KRTAP4-8: variants seen among roughly 807,000 people sequenced by gnomAD.
KRTAP4-8 encodes the protein keratin associated protein 4-8.
For missense variants in KRTAP4-8, 188 were observed against 237.4 expected, an observed-to-expected ratio of 0.79 and a Z score of 1.37; for synonymous variants, 66 against 86.6, an observed-to-expected ratio of 0.76 and a Z score of 1.32.
At position 41,097,847 on chromosome 17, in the gene KRTAP4-8, A is replaced by T. The variant is rs764325886; in HGVS notation, c.238T>A (p.Cys80Ser). 1.9e-6 allele frequency: 3 copies of T among 1,559,220 alleles called. No individual in the cohort carries two copies. The African/African-American group carries it at 4.1e-5, about 21-fold the overall frequency. ...CVSSCCKPQC[C>S]QSVCCQPTCC... ...GTGGGCTGGCAGCACACAGACTGGC[A>T]GCACTGGGGCTTGCAGCAGCTGGAC... The change falls in exon 1 of 1, where the codon TGC becomes AGC. Residue 80 changes from cysteine to serine, a missense_variant. By Grantham distance (112) the Cys-to-Ser change is moderately radical. Coordinates refer to ENST00000333822, the MANE Select transcript of KRTAP4-8 (RefSeq NM_031960.3).
Position 41,098,043 on chromosome 17 carries a change from G to A in KRTAP4-8, c.42C>T (p.Gly14=), listed in dbSNP as rs2013901499. The A allele has an allele frequency of 1.2e-6, 2 of 1,612,208 alleles. No homozygotes were observed. Among genetic ancestry groups the A allele is most frequent in the Non-Finnish European group, 1.7e-6 (2 of 1,179,080 alleles). Reference sequence around the variant, plus strand: ...TCTCCTGGCAGAGGTCTTGGCCACAGCCTTGGTCAGAGCACACGGAGCCAC... The same window carrying A: ...TCTCCTGGCAGAGGTCTTGGCCACAACCTTGGTCAGAGCACACGGAGCCAC... ...SCCGSVCSDQ[G]CGQDLCQETC... is the part of the protein sequence containing the mutation. Residue 14 remains glycine, a synonymous_variant, in exon 1 of 1, where the codon GGC becomes GGT. Transcript: ENST00000333822.
rs80168553 is a variant in KRTAP4-8, at chr17:41,097,708, C to A, written c.377G>T (p.Arg126Leu). 4.1e-5 allele frequency: 29 copies of A among 708,280 alleles called. 3 individuals are homozygous for A. Among genetic ancestry groups the A allele is most frequent in the Middle Eastern group, 4.1e-4 (1 of 2,436 alleles). 43.9% of individuals were successfully genotyped at this position (708,280 alleles called of 1,614,324 possible). Residue 126 changes from arginine to leucine, a missense_variant, in exon 1 of 1, where the codon CGC becomes CTC. Transcript: ENST00000333822. ...QSVCCQPNCC[R>L]PSCSISSCCR... is the part of the protein sequence containing the mutation. ...GCAGCTGGAGATGCTGCAGCTGGGGCGGCAGCAGTTGGGCTGGCAGCACAC... is the reference window on the plus strand; with the variant it reads ...GCAGCTGGAGATGCTGCAGCTGGGGAGGCAGCAGTTGGGCTGGCAGCACAC...
In KRTAP4-8 at chr17:41,097,605, G is replaced by A; in HGVS notation, c.480C>T (p.Cys160=). 6.4e-7 allele frequency: 1 copy of A among 1,572,574 alleles called. No homozygotes were observed. The highest frequency in any genetic ancestry group is 1.7e-4 in the Middle Eastern group (1 of 5,918). Residue 160 remains cysteine (C), a synonymous_variant, in exon 1 of 1, where the codon TGC becomes TGT. Coordinates refer to ENST00000333822, the MANE Select transcript of KRTAP4-8 (RefSeq NM_031960.3). ...AGGCTGGGCGATAGCAAGTGGTGTG[G>A]CAGGAGACTCGGCCACAGACTGGAC... ...CLRPVCGRVS[C]HTTCYRPACV...
In KRTAP4-8 at chr17:41,097,567, G is replaced by A. The variant is rs201814486; in HGVS notation, c.518C>T (p.Thr173Ile). ...TCYRPACVIS[T>I]CPRPVCCASS... ...GGCGCAGCACACGGGGCGGGGGCAGGTGGAGATGACACAGGCTGGGCGATA... is the reference window on the plus strand; with the variant it reads ...GGCGCAGCACACGGGGCGGGGGCAGATGGAGATGACACAGGCTGGGCGATA... Residue 173 changes from threonine (T) to isoleucine (I), a missense_variant, in exon 1 of 1, where the codon ACC becomes ATC. Transcript: ENST00000333822. The A allele has an allele frequency of 2.6e-6, 4 of 1,558,170 alleles. No homozygotes were observed. The highest frequency in any genetic ancestry group is 3.5e-6 in the Non-Finnish European group (4 of 1,154,152).
At position 41,097,703 on chromosome 17, in the gene KRTAP4-8, TGG is replaced by T; in HGVS notation, c.380_381del (p.Pro127GlnfsTer14). On this transcript the variant is annotated frameshift_variant, in exon 1 of 1. Transcript: ENST00000333822. LOFTEE classifies it high-confidence loss of function. ...SVCCQPNCCR[P>X]SCSISSCCRP... ...CGGCAGCAGCTGGAGATGCTGCAGCTGGGGCGGCAGCAGTTGGGCTGGCAGCA... is the reference window on the plus strand; with the variant it reads ...CGGCAGCAGCTGGAGATGCTGCAGCTGGCGGCAGCAGTTGGGCTGGCAGCA... 6.7e-7 allele frequency: 1 copy of T among 1,502,898 alleles called. No homozygotes were observed. Among genetic ancestry groups the T allele is most frequent in the Non-Finnish European group, 9.1e-7 (1 of 1,097,566 alleles). The allele number at this position is 1,502,898 out of a possible 1,614,324, so 93.1% of individuals were successfully genotyped here.
chr17:41,098,116 T>C lies in KRTAP4-8; in HGVS notation c.-32A>G, dbSNP rs1381729076. On this transcript the variant is annotated 5_prime_UTR_variant, in exon 1 of 1. Transcript: ENST00000333822. ...AGAGGGTGAAGGATCTATTTGGGTT[T>C]CCAAGAGAGTAAAGTTCTTGAGTTT... The C allele has an allele frequency of 2.6e-6, 4 of 1,563,136 alleles. No individual in the cohort carries two copies. The highest frequency in any genetic ancestry group is 3.5e-6 in the Non-Finnish European group (4 of 1,152,834).
In KRTAP4-8 at chr17:41,097,556, G is replaced by C. The variant is rs752506890; in HGVS notation, c.529C>G (p.Pro177Ala). ...PACVISTCPR[P>A]VCCASSCC ...CAGCAAGAGGAGGCGCAGCACACGG[G>C]GCGGGGGCAGGTGGAGATGACACAG... Residue 177 changes from proline to alanine, a missense_variant, in exon 1 of 1, where the codon CCC becomes GCC. By Grantham distance (27) the Pro-to-Ala change is conservative. Transcript: ENST00000333822. 1.5e-5 allele frequency: 23 copies of C among 1,568,564 alleles called. No homozygotes were observed. Among genetic ancestry groups the C allele is most frequent in the Non-Finnish European group, 1.9e-5 (22 of 1,156,582 alleles).
At position 41,098,117 on chromosome 17, in the gene KRTAP4-8, C is replaced by T. The variant is rs747092884; in HGVS notation, c.-33G>A. ...GAGGGTGAAGGATCTATTTGGGTTT[C>T]CAAGAGAGTAAAGTTCTTGAGTTTG... On this transcript the variant is annotated 5_prime_UTR_variant, in exon 1 of 1. Transcript: ENST00000333822. 7 of 1,563,040 alleles carry T rather than the reference C, an allele frequency of 4.5e-6. No homozygotes were observed. In the Admixed American group the frequency reaches 1.3e-4, roughly 28 times the overall value.
Position 41,098,080 on chromosome 17 carries a change from A to C in KRTAP4-8, c.5T>G (p.Val2Gly). The change falls in exon 1 of 1, where the codon GTC becomes GGC. Residue 2 changes from valine (V) to glycine (G), a missense_variant. Coordinates refer to ENST00000333822, the MANE Select transcript of KRTAP4-8 (RefSeq NM_031960.3). ...GCACACGGAGCCACAACAGGAGTTG[A>C]CCATGGTGTCAGAGGGTGAAGGATC... M[V>G]NSCCGSVCSD... The C allele has an allele frequency of 6.5e-7, 1 of 1,539,444 alleles. No homozygotes were observed. The highest frequency in any genetic ancestry group is 8.7e-7 in the Non-Finnish European group (1 of 1,144,938).
Position 41,097,969 on chromosome 17 carries a change from C to A in KRTAP4-8, c.116G>T (p.Cys39Phe). ...GGACACACTGTAGCTGGGGCGGTAG[C>A]AGGTGGTCCTGCAGCAGGTGGTCTG... ...CCQTTCCRTTCYRPSYSVSCC... is the reference protein window; with the variant it reads ...CCQTTCCRTTFYRPSYSVSCC... Residue 39 changes from cysteine (C) to phenylalanine (F), a missense_variant, in exon 1 of 1, where the codon TGC (cysteine) becomes TTC (phenylalanine). By Grantham distance (205) the Cys-to-Phe change is radical (BLOSUM62 -2). Transcript: ENST00000333822. 6.2e-7 allele frequency: 1 copy of A among 1,613,898 alleles called. No individual in the cohort carries two copies. The highest frequency in any genetic ancestry group is 8.5e-7 in the Non-Finnish European group (1 of 1,179,886).
rs538107149 is a variant in KRTAP4-8, at chr17:41,097,559, G to A, written c.526C>T (p.Arg176Cys). The A allele has an allele frequency of 3.2e-6, 5 of 1,569,282 alleles. No individual in the cohort carries two copies. Among genetic ancestry groups the A allele is most frequent in the South Asian group, 2.3e-5 (2 of 86,182 alleles). ...RPACVISTCP[R>C]PVCCASSCC is the part of the protein sequence containing the mutation. ...CAAGAGGAGGCGCAGCACACGGGGC[G>A]GGGGCAGGTGGAGATGACACAGGCT... Residue 176 changes from arginine to cysteine, a missense_variant, in exon 1 of 1, where the codon CGC (arginine) becomes TGC (cysteine). Physicochemically the swap from Arg to Cys is radical, Grantham distance 180 (BLOSUM62 -3). Transcript: ENST00000333822.
rs367589220 is a variant in KRTAP4-8, at chr17:41,097,542, G to A, written c.543C>T (p.Ala181=). The part of the protein sequence containing the change: ...ISTCPRPVCC[A]SSCC ...GGCAGTGGGCTCAGCAGCAAGAGGA[G>A]GCGCAGCACACGGGGCGGGGGCAGG... is the stretch of plus-strand genomic sequence containing the variant. Residue 181 remains alanine (A), a synonymous_variant, in exon 1 of 1, where the codon GCC becomes GCT. Coordinates refer to ENST00000333822, the MANE Select transcript of KRTAP4-8 (RefSeq NM_031960.3). 8 of 1,566,422 alleles carry A rather than the reference G, an allele frequency of 5.1e-6. No individual in the cohort carries two copies. The highest frequency in any genetic ancestry group is 1.7e-4 in the Middle Eastern group (1 of 6,026).
Position 41,097,284 on chromosome 17 carries a change from G to A in KRTAP4-8, c.*243C>T. 1 of 633,042 alleles carries A rather than the reference G, an allele frequency of 1.6e-6. No homozygotes were observed. The highest frequency in any genetic ancestry group is 3.3e-5 in the Admixed American group (1 of 30,178). 39.2% of individuals were successfully genotyped at this position (633,042 alleles called of 1,614,324 possible). On this transcript the variant is annotated 3_prime_UTR_variant, in exon 1 of 1. Transcript: ENST00000333822. The stretch of plus-strand genomic sequence containing the variant: ...GGATTGGAATAATTTCTTAGCTAGT[G>A]GATTACAAATTAATTCGTATTTGGT...
Position 41,097,297 on chromosome 17 carries a change from A to G in KRTAP4-8, c.*230T>C. 1 of 663,624 alleles carries G rather than the reference A, an allele frequency of 1.5e-6. No homozygotes were observed. The highest frequency in any genetic ancestry group is 2.5e-6 in the Non-Finnish European group (1 of 396,752). The allele number at this position is 663,624 out of a possible 1,614,324, so 41.1% of individuals were successfully genotyped here. A position where few individuals can be genotyped will look rare whatever the true frequency, so the allele number is the denominator to read the frequency against. ...TTCTTAGCTAGTGGATTACAAATTA[A>G]TTCGTATTTGGTGCCATGACTGGAA... On this transcript the variant is annotated 3_prime_UTR_variant, in exon 1 of 1. Transcript: ENST00000333822.
rs1286053367 is a variant in KRTAP4-8, at chr17:41,097,100, C to T, written c.*427G>A. On this transcript the variant is annotated 3_prime_UTR_variant, in exon 1 of 1. Transcript: ENST00000333822. ...AGAGAAAGAGAGAGCAGGGAGAAAG[C>T]GGGAGAGCACGGGAGGGGCAGCCTC... The T allele has an allele frequency of 2.5e-5, 5 of 197,920 alleles. No individual in the cohort carries two copies. Among genetic ancestry groups the T allele is most frequent in the South Asian group, 1.3e-4 (1 of 7,972 alleles). 12.3% of individuals were successfully genotyped at this position (197,920 alleles called of 1,614,324 possible).
At position 41,097,453 on chromosome 17, in the gene KRTAP4-8, T is replaced by C. The variant is rs1213665883; in HGVS notation, c.*74A>G. The C allele has an allele frequency of 2.0e-6, 3 of 1,506,146 alleles. No homozygotes were observed. The highest frequency in any genetic ancestry group is 2.7e-6 in the Non-Finnish European group (3 of 1,122,570). 93.3% of individuals were successfully genotyped at this position (1,506,146 alleles called of 1,614,324 possible). On this transcript the variant is annotated 3_prime_UTR_variant, in exon 1 of 1. Transcript: ENST00000333822. The stretch of plus-strand genomic sequence containing the variant: ...GACATAAATCCCACTCCATGTGTCC[T>C]AATATTCAGCACAGAAGAATGGTCT...
At position 41,097,213 on chromosome 17, in the gene KRTAP4-8, G is replaced by A. The variant is rs1234205496; in HGVS notation, c.*314C>T. The A allele has an allele frequency of 6.1e-6, 3 of 494,774 alleles. No individual in the cohort carries two copies. The highest frequency in any genetic ancestry group is 1.1e-5 in the Non-Finnish European group (3 of 278,794). The allele number at this position is 494,774 out of a possible 1,614,324, so 30.6% of individuals were successfully genotyped here. ...AGATAATGTGTACCTAATTGGGAAG[G>A]ATATTCTGTAGGCTCAAAATGATTT... is the stretch of plus-strand genomic sequence containing the variant. On this transcript the variant is annotated 3_prime_UTR_variant, in exon 1 of 1. Transcript: ENST00000333822.
In KRTAP4-8 at chr17:41,098,086, G is replaced by T; in HGVS notation, c.-2C>A. The T allele has an allele frequency of 6.3e-7, 1 of 1,590,462 alleles. No individual in the cohort carries two copies. Among genetic ancestry groups the T allele is most frequent in the Non-Finnish European group, 8.6e-7 (1 of 1,167,228 alleles). On this transcript the variant is annotated 5_prime_UTR_variant, in exon 1 of 1. Coordinates refer to ENST00000333822, the MANE Select transcript of KRTAP4-8 (RefSeq NM_031960.3). ...GGAGCCACAACAGGAGTTGACCATG[G>T]TGTCAGAGGGTGAAGGATCTATTTG...
rs555098393 is a variant in KRTAP4-8, at chr17:41,097,644, G to C, written c.441C>G (p.Pro147=). The part of the protein sequence containing the change: ...PSCCESSCCR[P]CCCLRPVCGR... ...CACAGACTGGACGCAGGCAGCAGCA[G>C]GGGCGGCAGCAGCTGGATTCACAGC... The change falls in exon 1 of 1, where the codon CCC becomes CCG. Residue 147 remains proline (P), a synonymous_variant. Coordinates refer to ENST00000333822, the MANE Select transcript of KRTAP4-8 (RefSeq NM_031960.3). 1.9e-6 allele frequency: 3 copies of C among 1,584,916 alleles called. No individual in the cohort carries two copies. The African/African-American group carries it at 4.1e-5, about 22-fold the overall frequency.
Sources: allele counts gnomAD v4.1 joint callset, GRCh38; gene constraint gnomAD v4.1.1; transcripts MANE v1.5; gene names NCBI Gene and HGNC (gene_info 2026-07-23, HGNC 2026-07-21).